The following CFAP54 variants were observed in gnomAD, a reference collection of about 807,000 sequenced individuals.
CFAP54 encodes the protein cilia- and flagella-associated protein 54.
In CFAP54, 290 loss-of-function variants were observed where a neutral mutation model predicts 370.4. That is an observed-to-expected ratio of 0.78 (90% CI 0.71 to 0.86). CFAP54 has a LOEUF of 0.86. Ranked by LOEUF, CFAP54 falls within the 40% of genes least tolerant of loss-of-function variation. The pLI is 0.00. For synonymous variants in CFAP54, 1,206 were observed against 1,236.5 expected, an observed-to-expected ratio of 0.98 and a Z score of 0.52; for missense variants, 3,399 against 3,528.7, an observed-to-expected ratio of 0.96 and a Z score of 0.93.
At chr12:96,735,641 A>T (rs1957971907) in intron 50 of CFAP54, among the ~76,000 whole-genome samples, 1 of 152,212 alleles carries the variant, frequency 6.6e-6, no homozygotes, top group African/African-American at 2.4e-5. Flanking sequence ...AAGATAACTA[A>T]CAATGACCTG....
At chr12:96,740,183 G>T (rs1027647112) in intron 51 of CFAP54, 122 bp downstream of exon 51, 6 of 612,716 alleles carry the variant, frequency 9.8e-6, no homozygotes, top group Non-Finnish European at 1.4e-5. Context: ...ATTGAATTTG[G>T]AGTAAAAAGA....
intron 18 of CFAP54, 30 bp downstream of exon 18, chr12:96,564,584 C>T: frequency 1.5e-6 from 1 of 667,342 alleles, no homozygotes; most frequent in Non-Finnish European, 2.7e-6. Flanking sequence ...CTGGTATTTC[C>T]AAAAAATTTG....
chr12:96,625,287 C>T (rs763217321), intron 28 of CFAP54, among the ~76,000 whole-genome samples: 2 of 152,110 alleles, frequency 1.3e-5, no homozygotes, highest in African/African-American at 2.4e-5. Flanking sequence ...GGTTTCATAA[C>T]TAAAAAATGT....
At chr12:96,740,579 A>G (rs1592735720) in intron 51 of CFAP54, among the ~76,000 whole-genome samples, 1 of 152,228 alleles carries the variant, frequency 6.6e-6, no homozygotes, top group African/African-American at 2.4e-5. Flanking sequence ...ATTGTTTAGG[A>G]CTGAATTATA....
chr12:96,675,622 T>C (rs1260017188), intron 39 of CFAP54, among the ~76,000 whole-genome samples: 2 of 152,150 alleles, frequency 1.3e-5, no homozygotes, highest in African/African-American at 4.8e-5. Context: ...CATGCTGCTA[T>C]AAAGACACAT....
At chr12:96,745,523 G>GT (rs35467777) in intron 55 of CFAP54, among the ~76,000 whole-genome samples, 56,879 of 150,652 alleles carry the variant, frequency 0.38, 11,806 homozygotes, top group East Asian at 0.68. Flanking sequence ...ATTTTTTAAT[G>GT]TTTTTTTTTC....
rs1453004785 is a variant in CFAP54, at chr12:96,621,653, T to C, written c.3703T>C (p.Leu1235=). ...VMIINYGKKM[L]DITPGCKSLF... ...GATTATAAATTATGGGAAAAAAATG[T>C]TGGACATCACACCAGGATGCAAGTC... The change falls in exon 27 of 68, where the codon TTG becomes CTG. Residue 1235 remains leucine, a synonymous_variant. Coordinates refer to ENST00000524981, the MANE Select transcript of CFAP54 (RefSeq NM_001306084.2). 1 of 1,527,098 alleles carries C rather than the reference T, an allele frequency of 6.5e-7. No individual in the cohort carries two copies. Among genetic ancestry groups the C allele is most frequent in the Non-Finnish European group, 8.8e-7 (1 of 1,140,642 alleles). 94.6% of individuals were successfully genotyped at this position (1,527,098 alleles called of 1,614,324 possible). A position where few individuals can be genotyped will look rare whatever the true frequency, so the allele number is the denominator to read the frequency against.
chr12:96,666,951 A>G (rs960044489), intron 39 of CFAP54, among the ~76,000 whole-genome samples: 1 of 152,228 alleles, frequency 6.6e-6, no homozygotes, highest in Non-Finnish European at 1.5e-5. Context: ...TACTTCCTAG[A>G]TACAGTGGGG....
chr12:96,789,228 A>G (rs1359191199), intron 62 of CFAP54, among the ~76,000 whole-genome samples: 2 of 152,214 alleles, frequency 1.3e-5, no homozygotes, highest in Admixed American at 6.5e-5. Context: ...GAAAGCGCAG[A>G]AATAGGCATG....
At chr12:96,710,949 CT>C (rs756973695) in intron 48 of CFAP54, among the ~76,000 whole-genome samples, 8 of 152,104 alleles carry the variant, frequency 5.3e-5, no homozygotes, top group Non-Finnish European at 1.2e-4. Context: ...GTGTTCCCTC[CT>C]CTTTTATATT....
At chr12:96,534,612 TCTC>T (rs1331271592) in intron 11 of CFAP54, among the ~76,000 whole-genome samples, 2 of 152,182 alleles carry the variant, frequency 1.3e-5, no homozygotes, top group Admixed American at 1.3e-4. Context: ...GGTTTGGTAA[TCTC>T]CTGTCTCTTT....
intron 19 of CFAP54, among the ~76,000 whole-genome samples, chr12:96,573,703 A>G (rs1182702835): frequency 6.6e-6 from 1 of 152,240 alleles, no homozygotes; most frequent in Admixed American, 6.5e-5. Flanking sequence ...TGGAGGAAAC[A>G]GATGTCATCT....
Position 96,792,421 on chromosome 12 carries a change from G to A in CFAP54, c.8772G>A (p.Thr2924=), listed in dbSNP as rs148044144. Residue 2924 remains threonine, a synonymous_variant, in exon 63 of 68, where the codon ACG becomes ACA. Coordinates refer to ENST00000524981, the MANE Select transcript of CFAP54 (RefSeq NM_001306084.2). ...CVDITPIEMV[T]QASNKELCFQ... ...ACATAACGCCAATAGAAATGGTAAC[G>A]CAAGCTTCAAACAAAGAACTTTGCT... The A allele has an allele frequency of 1.2e-5, 19 of 1,535,820 alleles. No homozygotes were observed. The highest frequency in any genetic ancestry group is 1.7e-4 in the Middle Eastern group (1 of 5,988).
chr12:96,625,332 C>T (rs1956539120), intron 28 of CFAP54, among the ~76,000 whole-genome samples: 2 of 152,210 alleles, frequency 1.3e-5, no homozygotes, highest in Non-Finnish European at 2.9e-5. Flanking sequence ...AGTCTGGCTC[C>T]AGCAGTGACT....
At chr12:96,608,044 G>A (rs961537404) in intron 26 of CFAP54, among the ~76,000 whole-genome samples, 1 of 152,040 alleles carries the variant, frequency 6.6e-6, no homozygotes, top group African/African-American at 2.4e-5. Flanking sequence ...CCCAAGACAG[G>A]GGAAGACGAA....
At chr12:96,558,238 G>C (rs12229998) in intron 17 of CFAP54, among the ~76,000 whole-genome samples, 1 of 151,822 alleles carries the variant, frequency 6.6e-6, no homozygotes, top group Non-Finnish European at 1.5e-5. Flanking sequence ...AAAATTGAAA[G>C]TTTTCCTAGG....
chr12:96,513,805 C>A (rs1312806684), intron 5 of CFAP54, among the ~76,000 whole-genome samples: 4 of 151,958 alleles, frequency 2.6e-5, no homozygotes, highest in African/African-American at 7.3e-5. Context: ...ACTATGGTTA[C>A]CCCCTTTATG....
chr12:96,738,793 G>A (rs1958013319), intron 50 of CFAP54, among the ~76,000 whole-genome samples: 1 of 151,966 alleles, frequency 6.6e-6, no homozygotes, highest in South Asian at 2.1e-4. Flanking sequence ...TGTATTTTTA[G>A]TAGAGACTGG....
In CFAP54 at chr12:96,534,049, A is replaced by G; in HGVS notation, c.1540-13A>G. On this transcript the variant is annotated splice_polypyrimidine_tract_variant and intron_variant, in intron 10 of 67. Transcript: ENST00000524981. ...CCAATTACTAATTAACGTGTGGGATATACTTCCCCAAGAGGCAGGATGATC... is the reference window on the plus strand; with the variant it reads ...CCAATTACTAATTAACGTGTGGGATGTACTTCCCCAAGAGGCAGGATGATC... 2 of 1,513,244 alleles carry G rather than the reference A, an allele frequency of 1.3e-6. No individual in the cohort carries two copies. Among genetic ancestry groups the G allele is most frequent in the African/African-American group, 1.4e-5 (1 of 71,726 alleles). 93.7% of individuals were successfully genotyped at this position (1,513,244 alleles called of 1,614,324 possible). A position where few individuals can be genotyped will look rare whatever the true frequency, so the allele number is the denominator to read the frequency against.
Sources: allele counts gnomAD v4.1 joint callset (sites outside exome capture counted in the v4.1 genomes callset), GRCh38; gene constraint gnomAD v4.1.1; transcripts MANE v1.5; gene names NCBI Gene and HGNC (gene_info 2026-07-23, HGNC 2026-07-21).